Variants in ATP6V1C2 observed in about 807,000 individuals in gnomAD.
The protein encoded by ATP6V1C2 is ATPase H+ transporting V1 subunit C2, also known as V-type proton ATPase subunit C 2.
Under a neutral mutation model 56.8 loss-of-function variants are expected in ATP6V1C2, and 45 were observed. The observed-to-expected ratio is 0.79, with a 90% CI of 0.62 to 1.02. The LOEUF is 1.02. Among genes scored for constraint, ATP6V1C2 ranks in the 50% least tolerant of loss-of-function variants. The probability of loss-of-function intolerance (pLI) is 0.00; values close to 1 mark genes in which losing one functional copy is unlikely to be tolerated. For missense variants in ATP6V1C2, 463 were observed against 519.7 expected (o/e 0.89, Z 1.06); for synonymous variants, 220 against 201.3 (o/e 1.09, Z -0.79).
intron 6 of ATP6V1C2, among the ~76,000 whole-genome samples, chr2:10,770,731 T>G (rs566599439): frequency 6.6e-6 from 1 of 152,246 alleles, no homozygotes; most frequent in Non-Finnish European, 1.5e-5. Context: ...TAAGTGCATA[T>G]ACCAAGTATA....
At chr2:10,754,092 G>T in intron 4 of ATP6V1C2, 26 bp downstream of exon 4, 1 of 1,567,470 alleles carries the variant, frequency 6.4e-7, no homozygotes, top group Non-Finnish European at 8.7e-7. Flanking sequence ...CTCTGATGTG[G>T]AGCACAATCT....
chr2:10,780,420 C>T lies in ATP6V1C2; in HGVS notation c.1061+1751C>T, dbSNP rs1665274267. 6.6e-6 allele frequency among the ~76,000 whole-genome samples: 1 copy of T among 152,202 alleles called. No individual in the cohort carries two copies. The highest frequency in any genetic ancestry group is 2.1e-4 in the South Asian group (1 of 4,830). On this transcript the variant is annotated intron_variant, in intron 12 of 13. Transcript: ENST00000272238. The surrounding 1 kb of genome is among the most constrained non-coding windows in gnomAD (Gnocchi z 4.1). ...TTCCATGTGGCTGTCAGTGTGTGGT[C>T]TGCCCAGATACAGATCTGACCTTGG...
intron 3 of ATP6V1C2, among the ~76,000 whole-genome samples, chr2:10,731,821 A>G (rs549806060): frequency 6.6e-6 from 1 of 151,942 alleles, no homozygotes; most frequent in Non-Finnish European, 1.5e-5. Context: ...AAAAAATACA[A>G]AATTTAGCCA....
At chr2:10,728,767 C>A (rs560680415) in intron 3 of ATP6V1C2, among the ~76,000 whole-genome samples, 6 of 138,344 alleles carry the variant, frequency 4.3e-5, no homozygotes, top group Non-Finnish European at 7.7e-5. Context: ...AGAGTGACAC[C>A]CTGTCTCAAA....
intron 3 of ATP6V1C2, among the ~76,000 whole-genome samples, chr2:10,732,313 C>T (rs1662000871): frequency 6.6e-6 from 1 of 152,088 alleles, no homozygotes; most frequent in African/African-American, 2.4e-5. Flanking sequence ...GGCTGAAGCG[C>T]AGTGGCGTGA....
At chr2:10,769,449 A>G (rs1193931369) in intron 6 of ATP6V1C2, among the ~76,000 whole-genome samples, 1 of 152,008 alleles carries the variant, frequency 6.6e-6, no homozygotes, top group African/African-American at 2.4e-5. Context: ...CATGCCTGTA[A>G]TCCCAGCACT....
At chr2:10,765,483 T>A (rs1465344295) in intron 5 of ATP6V1C2, among the ~76,000 whole-genome samples, 1 of 152,256 alleles carries the variant, frequency 6.6e-6, no homozygotes, top group African/African-American at 2.4e-5. Flanking sequence ...ACTGTGACTG[T>A]GGCCAAGGGT....
intron 3 of ATP6V1C2, among the ~76,000 whole-genome samples, chr2:10,747,085 A>G (rs1052304077): frequency 1.3e-5 from 2 of 152,162 alleles, no homozygotes; most frequent in Admixed American, 6.5e-5. Context: ...CCTGACCAAC[A>G]TGAAGAAACC....
rs772107975 is a variant in ATP6V1C2 at position 10,783,295 on chromosome 2, GTGCAGAT to G, written c.*34_*40del. 5.5e-6 allele frequency: 8 copies of G among 1,448,510 alleles called. No homozygotes were observed. The highest frequency in any genetic ancestry group is 7.8e-6 in the Non-Finnish European group (8 of 1,030,050). The allele number at this position is 1,448,510 out of a possible 1,614,324, so 89.7% of individuals were successfully genotyped here. On this transcript the variant is annotated 3_prime_UTR_variant, in exon 14 of 14. Transcript: ENST00000272238. ...CAGCTGGCACCTCTGTCTCATGTTCGTGCAGATTATTACAGACACCTCTTTCCTTTAG... is the reference window on the plus strand; with the variant it reads ...CAGCTGGCACCTCTGTCTCATGTTCGTATTACAGACACCTCTTTCCTTTAG...
chr2:10,783,101 T>C, intron 13 of ATP6V1C2, 73 bp from the exon 14 acceptor site: 3 of 1,218,676 alleles, frequency 2.5e-6, no homozygotes, highest in Non-Finnish European at 3.6e-6. Flanking sequence ...CCTGGCGAGC[T>C]TCCTCAAAAC....
At chr2:10,767,220 G>T (rs1472804068) in intron 5 of ATP6V1C2, among the ~76,000 whole-genome samples, 5 of 138,756 alleles carry the variant, frequency 3.6e-5, no homozygotes, top group African/African-American at 1.4e-4. Context: ...GAGTGCAGTG[G>T]TGTGATCTTG....
At chr2:10,724,870 A>G (rs959040798) in intron 2 of ATP6V1C2, among the ~76,000 whole-genome samples, 1 of 151,998 alleles carries the variant, frequency 6.6e-6, no homozygotes, top group Non-Finnish European at 1.5e-5. Context: ...ACGGGGTGTC[A>G]CCAGGTTGAC....
chr2:10,782,746 G>A (rs371432139), intron 13 of ATP6V1C2, among the ~76,000 whole-genome samples: 6 of 143,462 alleles, frequency 4.2e-5, no homozygotes, highest in Middle Eastern at 4.0e-3. Flanking sequence ...CAGGAGAATC[G>A]CTTGAACCTG....
At position 10,763,491 on chromosome 2, in the gene ATP6V1C2, G is replaced by A. The variant is rs1384735305; in HGVS notation, c.284-840G>A. Among the ~76,000 whole-genome samples the A allele has an allele frequency of 6.6e-6, 1 of 152,164 alleles. No homozygotes were observed. The highest frequency in any genetic ancestry group is 1.5e-5 in the Non-Finnish European group (1 of 68,012). On this transcript the variant is annotated intron_variant, in intron 4 of 13. Coordinates refer to ENST00000272238, the MANE Select transcript of ATP6V1C2 (RefSeq NM_001039362.2). This position sits in a 1 kb window ranked among gnomAD's most constrained non-coding sequence, Gnocchi z 4.2. ...TCCCCAGCAGGGTGATGGGTGTGGA[G>A]TGAGCGTGACAGTCCCCTTTCATGC...
At chr2:10,748,649 C>T (rs1014542528) in intron 3 of ATP6V1C2, among the ~76,000 whole-genome samples, 3 of 152,106 alleles carry the variant, frequency 2.0e-5, no homozygotes, top group Non-Finnish European at 4.4e-5. Context: ...TTACATAAAG[C>T]TGCCAGAGTT....
chr2:10,741,289 C>A (rs2148434238), intron 3 of ATP6V1C2, among the ~76,000 whole-genome samples: 1 of 152,338 alleles, frequency 6.6e-6, no homozygotes, highest in Non-Finnish European at 1.5e-5. Context: ...AAAAGAAAAT[C>A]ACTTAATTGC....
intron 5 of ATP6V1C2, among the ~76,000 whole-genome samples, chr2:10,767,159 C>CTTTTTTTT (rs33943682): frequency 2.7e-5 from 3 of 109,328 alleles, no homozygotes; most frequent in East Asian, 2.8e-4. Flanking sequence ...CATTTTTTAT[C>CTTTTTTTT]TTTTTTTTTT....
At chr2:10,725,421 A>G (rs912328141) in intron 2 of ATP6V1C2, among the ~76,000 whole-genome samples, 18 of 151,794 alleles carry the variant, frequency 1.2e-4, no homozygotes, top group Non-Finnish European at 4.4e-5. Context: ...AAGTTCTCTG[A>G]AAAGAAAAGG....
intron 10 of ATP6V1C2, among the ~76,000 whole-genome samples, chr2:10,775,674 G>C (rs1348556615): frequency 1.4e-5 from 2 of 143,778 alleles, no homozygotes; most frequent in Admixed American, 1.3e-4. Context: ...AGATGCTCAC[G>C]TTTGAATTGT....
Sources: allele counts gnomAD v4.1 joint callset (sites outside exome capture counted in the v4.1 genomes callset), GRCh38; gene constraint gnomAD v4.1.1; non-coding constraint Gnocchi (gnomAD v3.1); transcripts MANE v1.5; gene names NCBI Gene and HGNC (gene_info 2026-07-23, HGNC 2026-07-21).